The following ENOX2 variants were observed in gnomAD, a reference collection of about 807,000 sequenced individuals.
ENOX2 encodes ecto-NOX disulfide-thiol exchanger 2.
In ENOX2, 36 loss-of-function variants were observed where a neutral mutation model predicts 45.0. The ratio of observed to expected loss-of-function variants is 0.80; its 90% CI spans 0.61 to 1.06. ENOX2 has a LOEUF of 1.06. ENOX2 is among the 50% of genes least tolerant of loss of function. The pLI is 0.00. For missense variants in ENOX2, 423 were observed against 462.5 expected, an observed-to-expected ratio of 0.91 and a Z score of 0.78; for synonymous variants, 174 against 152.3, an observed-to-expected ratio of 1.14 and a Z score of -1.05.
At chrX:130,710,727 C>A (rs966080158) in intron 3 of ENOX2, among the ~76,000 whole-genome samples, 2 of 111,556 alleles carry the variant, frequency 1.8e-5, no homozygotes, top group African/African-American at 6.5e-5. Context: ...TAGTTTATGC[C>A]GTACCCTACT....
intron 2 of ENOX2, among the ~76,000 whole-genome samples, chrX:130,821,900 T>C (rs1194333052): frequency 9.6e-6 from 1 of 104,673 alleles, no homozygotes; most frequent in Non-Finnish European, 2.0e-5. Flanking sequence ...ACCCCGTTTC[T>C]ACAAAAAACA....
intron 9 of ENOX2, among the ~76,000 whole-genome samples, chrX:130,657,379 G>A (rs2036575374): frequency 8.9e-6 from 1 of 111,827 alleles, no homozygotes; most frequent in African/African-American, 3.3e-5. Context: ...ACCAGAGTTA[G>A]CACCTCATAA....
At chrX:130,697,656 C>T (rs749509128) in intron 4 of ENOX2, among the ~76,000 whole-genome samples, 1 of 111,726 alleles carries the variant, frequency 9.0e-6, no homozygotes, top group East Asian at 2.8e-4. Flanking sequence ...GCTCTGTCCG[C>T]GGGGCTTCTC....
chrX:130,868,206 A>G (rs2078520024), intron 2 of ENOX2, among the ~76,000 whole-genome samples: 3 of 111,790 alleles, frequency 2.7e-5, no homozygotes, highest in Admixed American at 9.5e-5. Flanking sequence ...GAGAAATAAA[A>G]ACATATGCCC....
chrX:130,684,411 T>C (rs1011898857), intron 5 of ENOX2, among the ~76,000 whole-genome samples: 2 of 112,309 alleles, frequency 1.8e-5, no homozygotes, highest in African/African-American at 3.2e-5. Flanking sequence ...TATAATACCA[T>C]TTTTTGTACA....
chrX:130,822,629 G>A (rs1008335807), intron 2 of ENOX2, among the ~76,000 whole-genome samples: 4 of 109,983 alleles, frequency 3.6e-5, no homozygotes, highest in African/African-American at 1.3e-4. Context: ...GACTGTTGTG[G>A]GGTAGGGGGA....
chrX:130,767,829 T>C (rs1291716062), intron 3 of ENOX2, among the ~76,000 whole-genome samples: 3 of 112,248 alleles, frequency 2.7e-5, no homozygotes, highest in Non-Finnish European at 5.6e-5. Flanking sequence ...CAAAAGTTAC[T>C]ACTTACAGAT....
chrX:130,844,950 G>A (rs1227300721), intron 2 of ENOX2, among the ~76,000 whole-genome samples: 1 of 112,253 alleles, frequency 8.9e-6, no homozygotes, highest in Admixed American at 9.4e-5. Flanking sequence ...AGAAGGATAC[G>A]CTTCCATTTA....
chrX:130,666,581 CCT>C (rs1301972780), intron 8 of ENOX2, among the ~76,000 whole-genome samples: 3 of 111,247 alleles, frequency 2.7e-5, no homozygotes, highest in African/African-American at 9.8e-5. Flanking sequence ...CTGTTTGCAC[CCT>C]GTCTTCTAAT....
At chrX:130,867,750 A>G (rs2078513264) in intron 2 of ENOX2, among the ~76,000 whole-genome samples, 1 of 111,806 alleles carries the variant, frequency 8.9e-6, no homozygotes, top group African/African-American at 3.2e-5. Flanking sequence ...TTTATTTTTG[A>G]GAAAATTACT....
chrX:130,635,144 A>C (rs2035900168), intron 11 of ENOX2, 53 bp from the exon 12 acceptor site: 1 of 710,439 alleles, frequency 1.4e-6, no homozygotes, highest in Non-Finnish European at 2.1e-6. Flanking sequence ...GCCACACTTC[A>C]TTTAAAATCT....
intron 4 of ENOX2, among the ~76,000 whole-genome samples, chrX:130,692,899 C>T (rs748793473): frequency 2.9e-4 from 32 of 111,252 alleles, no homozygotes; most frequent in Non-Finnish European, 4.5e-4. Flanking sequence ...CGTATTCCCT[C>T]TTCTGATTCA....
intron 2 of ENOX2, among the ~76,000 whole-genome samples, chrX:130,802,277 T>A (rs977818486): frequency 6.2e-5 from 7 of 112,192 alleles, no homozygotes; most frequent in Admixed American, 1.9e-4. Context: ...TTATTTTTTT[T>A]AAAATGGTTG....
chrX:130,675,104 CATGATTTATAGTCCTTTGGGTAT>C (rs1397040750), intron 6 of ENOX2, among the ~76,000 whole-genome samples: 8 of 108,331 alleles, frequency 7.4e-5, no homozygotes, highest in Admixed American at 3.0e-4. Flanking sequence ...TTTATAGCAG[CATGATTTATAGTCCTTTGGGTAT>C]ATACCCAGTA....
rs2077621105 is a variant in ENOX2, at chrX:130,821,925, G to A, written c.-182-38235C>T. 2.8e-5 allele frequency among the ~76,000 whole-genome samples: 3 copies of A among 106,026 alleles called. No homozygotes were observed. In the Admixed American group the frequency reaches 3.1e-4, roughly 11 times the overall value. 92.1% of individuals were successfully genotyped at this position (106,026 alleles called of 115,157 possible). ...TACAAAAAACAAAAAAAATTAGACA[G>A]GCTTAGTGGCAAGCATCTGTAGTCC... On this transcript the variant is annotated intron_variant, in intron 2 of 14. Transcript: ENST00000394363.
rs17250303 is a variant in ENOX2 at position 130,896,002 on chromosome X, C to T, written c.-183+5682G>A. On this transcript the variant is annotated intron_variant, in intron 2 of 14. Coordinates refer to ENST00000394363, the MANE Select transcript of ENOX2 (RefSeq NM_006375.4). ...AAGCAATTAGGTCTTTCTGACTAAA[C>T]TGAGGTGTATGCTGATTTCTTTTTT... 7.6e-3 allele frequency among the ~76,000 whole-genome samples: 854 copies of T among 112,460 alleles called. 6 individuals carry two copies. Among genetic ancestry groups the T allele is most frequent in the Non-Finnish European group, 0.011 (563 of 53,255 alleles).
intron 5 of ENOX2, among the ~76,000 whole-genome samples, chrX:130,685,156 G>A (rs778759086): frequency 2.7e-5 from 3 of 111,400 alleles, no homozygotes; most frequent in African/African-American, 3.3e-5. Context: ...AAGAGCTAGC[G>A]CAAAGGCCCT....
chrX:130,629,795 G>C (rs1452055514), intron 13 of ENOX2, among the ~76,000 whole-genome samples: 1 of 112,012 alleles, frequency 8.9e-6, no homozygotes, highest in African/African-American at 3.2e-5. Context: ...GGGATTATCT[G>C]CTGTGGCCTA....
At chrX:130,888,129 A>G (rs906144828) in intron 2 of ENOX2, among the ~76,000 whole-genome samples, 4 of 111,814 alleles carry the variant, frequency 3.6e-5, no homozygotes, top group African/African-American at 9.8e-5. Flanking sequence ...TTTTGTCCAT[A>G]TATTTAACAC....
Sources: gnomAD v4.1 joint callset for allele counts (sites outside exome capture counted in the v4.1 genomes callset) on GRCh38, gnomAD v4.1.1 for gene constraint, MANE v1.5 for transcripts, NCBI Gene and HGNC (gene_info 2026-07-23, HGNC 2026-07-21) for gene names.